TNNI2: variants seen among roughly 807,000 people sequenced by gnomAD.
The protein encoded by TNNI2 is troponin I, fast skeletal muscle.
Under a neutral mutation model 26.5 loss-of-function variants are expected in TNNI2, and 14 were observed. The ratio of observed to expected loss-of-function variants is 0.53; its 90% CI spans 0.35 to 0.83. The LOEUF (loss-of-function observed/expected upper bound fraction) is 0.83, where lower values mean the gene tolerates loss of function less well. Ranked by LOEUF, TNNI2 falls within the 40% of genes least tolerant of loss-of-function variation. TNNI2 has a pLI of 0.01. For missense variants in TNNI2, 205 were observed against 248.5 expected, an observed-to-expected ratio of 0.82 and a Z score of 1.18; for synonymous variants, 126 against 97.6, an observed-to-expected ratio of 1.29 and a Z score of -1.71.
In TNNI2 at chr11:1,839,685, C is replaced by T; in HGVS notation, c.-12C>T. 6.2e-7 allele frequency: 1 copy of T among 1,613,818 alleles called. No individual in the cohort carries two copies. Among genetic ancestry groups the T allele is most frequent in the East Asian group, 2.2e-5 (1 of 44,884 alleles). ...TTCCTCTCCCCACAGGCTCCAAGCT[C>T]AGGACCTCAGGATGGGAGAGTAAGT... On this transcript the variant is annotated 5_prime_UTR_variant, in exon 2 of 8. Transcript: ENST00000381911.
chr11:1,840,513 C>A lies in TNNI2; in HGVS notation c.58-15C>A, dbSNP rs1386707260. 6.2e-7 allele frequency: 1 copy of A among 1,611,264 alleles called. No homozygotes were observed. Among genetic ancestry groups the A allele is most frequent in the Non-Finnish European group, 8.5e-7 (1 of 1,179,436 alleles). On this transcript the variant is annotated splice_polypyrimidine_tract_variant and intron_variant, in intron 4 of 7. Coordinates refer to ENST00000381911, the MANE Select transcript of TNNI2 (RefSeq NM_003282.4). ...GGGAGCTGGCTGCAGCCCCTCACCG[C>A]CTGCCCCACCGCAGAGTGTGATGCT...
rs943575242 is a variant in TNNI2 at position 1,839,701 on chromosome 11, G to A, written c.5G>A (p.Gly2Glu). The A allele has an allele frequency of 6.2e-7, 1 of 1,613,832 alleles. No individual in the cohort carries two copies. The highest frequency in any genetic ancestry group is 8.5e-7 in the Non-Finnish European group (1 of 1,179,888). M[G>E]DEEKRNRAIT... ...CTCCAAGCTCAGGACCTCAGGATGG[G>A]AGAGTAAGTGGTACCCCTGTACCCC... Residue 2 changes from glycine (G) to glutamate (E), a missense_variant, in exon 2 of 8, where the codon GGA (glycine) becomes GAA (glutamate). Physicochemically the swap from Gly to Glu is moderately conservative, Grantham distance 98. Coordinates refer to ENST00000381911, the MANE Select transcript of TNNI2 (RefSeq NM_003282.4).
intron 3 of TNNI2, chr11:1,840,068 C>T: frequency 1.9e-6 from 2 of 1,080,792 alleles, no homozygotes; most frequent in Admixed American, 2.2e-5. Context: ...GTGGCTGTGG[C>T]CTGGTCACAG....
intron 3 of TNNI2, chr11:1,840,174 C>T (rs1403125897): frequency 6.4e-7 from 1 of 1,550,774 alleles, no homozygotes; most frequent in East Asian, 2.4e-5. Flanking sequence ...AGCCTCTGGC[C>T]TCCCAGCACC....
chr11:1,840,948 G>T (rs1455745831), intron 6 of TNNI2, 40 bp downstream of exon 6: 2 of 1,601,446 alleles, frequency 1.2e-6, no homozygotes, highest in South Asian at 2.2e-5. Flanking sequence ...CGGGTAGGCG[G>T]TGGCCCAGCG....
Position 1,840,638 on chromosome 11 carries a change from C to A in TNNI2, c.168C>A (p.Gly56=). The A allele has an allele frequency of 6.2e-7, 1 of 1,612,856 alleles. No individual in the cohort carries two copies. Among genetic ancestry groups the A allele is most frequent in the Non-Finnish European group, 8.5e-7 (1 of 1,179,922 alleles). ...ACTGCCCGCCGCTGCATATCCCGGG[C>A]TCCATGTCTGAAGTGCAGGTACCAG... is the stretch of plus-strand genomic sequence containing the variant. ...AEHCPPLHIP[G]SMSEVQELCK... The change falls in exon 5 of 8, where the codon GGC becomes GGA. Residue 56 remains glycine (G), a synonymous_variant. Coordinates refer to ENST00000381911, the MANE Select transcript of TNNI2 (RefSeq NM_003282.4).
intron 7 of TNNI2, 98 bp from the exon 8 acceptor site, chr11:1,841,358 G>T (rs1026772174): frequency 1.3e-6 from 2 of 1,535,614 alleles, no homozygotes; most frequent in Non-Finnish European, 1.8e-6. Context: ...ACACTCCACT[G>T]CCCAATGCAG....
Position 1,841,636 on chromosome 11 carries a change from G to A in TNNI2, c.*85G>A. Reference sequence around the variant, plus strand: ...GATGCACCCAGAGCCTGCCAGGGAGGGCTGGCCTCACCACCACCGTCAATA... The same window carrying A: ...GATGCACCCAGAGCCTGCCAGGGAGAGCTGGCCTCACCACCACCGTCAATA... On this transcript the variant is annotated 3_prime_UTR_variant, in exon 8 of 8. Transcript: ENST00000381911. 3.1e-6 allele frequency: 4 copies of A among 1,282,390 alleles called. No individual in the cohort carries two copies. Among genetic ancestry groups the A allele is most frequent in the Non-Finnish European group, 4.5e-6 (4 of 890,064 alleles). 79.4% of individuals were successfully genotyped at this position (1,282,390 alleles called of 1,614,324 possible).
rs202072146 is a variant in TNNI2 at position 1,840,854 on chromosome 11, G to C, written c.222G>C (p.Ala74=). 6.2e-7 allele frequency: 1 copy of C among 1,613,238 alleles called. No individual in the cohort carries two copies. The highest frequency in any genetic ancestry group is 1.7e-5 in the Admixed American group (1 of 59,976). ...AACAGCTGCACGCCAAGATCGATGC[G>C]GCTGAAGAGGAGAAGTACGACATGG... The part of the protein sequence containing the change: ...LCKQLHAKID[A]AEEEKYDMEV... Residue 74 remains alanine, a synonymous_variant, in exon 6 of 8, where the codon GCG becomes GCC. Transcript: ENST00000381911.
At chr11:1,840,998 C>T in intron 6 of TNNI2, 33 bp from the exon 7 acceptor site, 1 of 1,604,676 alleles carries the variant, frequency 6.2e-7, no homozygotes, top group East Asian at 2.3e-5. Flanking sequence ...ACCACCGGGA[C>T]CTCGGGCTCC....
Position 1,841,494 on chromosome 11 carries a change from C to T in TNNI2, c.492C>T (p.Asn164=), listed in dbSNP as rs1465306153. 6.2e-7 allele frequency: 1 copy of T among 1,614,144 alleles called. No homozygotes were observed. Among genetic ancestry groups the T allele is most frequent in the Admixed American group, 1.7e-5 (1 of 60,030 alleles). The change falls in exon 8 of 8, where the codon AAC becomes AAT. Residue 164 remains asparagine, a synonymous_variant. Transcript: ENST00000381911. ...DLRDVGDWRK[N]IEEKSGMEGR... ...GAGACGTGGGTGACTGGAGGAAGAACATCGAGGAGAAGTCTGGCATGGAGG... is the reference window on the plus strand; with the variant it reads ...GAGACGTGGGTGACTGGAGGAAGAATATCGAGGAGAAGTCTGGCATGGAGG...
intron 7 of TNNI2, 97 bp downstream of exon 7, chr11:1,841,304 C>T (rs1355520348): frequency 1.3e-6 from 2 of 1,558,438 alleles, no homozygotes; most frequent in East Asian, 2.3e-5. Flanking sequence ...ACCTGCCCTG[C>T]CGGGGGCCCT....
At position 1,840,585 on chromosome 11, in the gene TNNI2, G is replaced by A. The variant is rs538733496; in HGVS notation, c.115G>A (p.Ala39Thr). Reference protein sequence around the residue: ...ELEKEESRREAEKQNYLAEHC... With the variant: ...ELEKEESRRETEKQNYLAEHC... ...GGAGAAGGAGGAGAGCCGCCGTGAG[G>A]CAGAGAAGCAGAACTACCTGGCGGA... The change falls in exon 5 of 8, where the codon GCA becomes ACA. Residue 39 changes from alanine (A) to threonine (T), a missense_variant. Physicochemically the swap from Ala to Thr is moderately conservative, Grantham distance 58. Transcript: ENST00000381911. 9 of 1,612,824 alleles carry A rather than the reference G, an allele frequency of 5.6e-6. No homozygotes were observed. Among genetic ancestry groups the A allele is most frequent in the Middle Eastern group, 1.6e-4 (1 of 6,062 alleles).
rs1847123546 is a variant in TNNI2, at chr11:1,839,833, C to T, written c.9-16C>T. ...CTTCTCTCCCCGTCCTGCCTGCGTC[C>T]TCCCTCCCTGGACAGTGAGGAGGTA... On this transcript the variant is annotated splice_polypyrimidine_tract_variant and intron_variant, in intron 2 of 7. Transcript: ENST00000381911. The T allele has an allele frequency of 6.2e-7, 1 of 1,613,832 alleles. No individual in the cohort carries two copies. Among genetic ancestry groups the T allele is most frequent in the Admixed American group, 1.7e-5 (1 of 59,990 alleles).
chr11:1,839,728 A>G, intron 2 of TNNI2, 24 bp downstream of exon 2: 1 of 1,613,782 alleles, frequency 6.2e-7, no homozygotes, highest in Non-Finnish European at 8.5e-7. Context: ...CTGTACCCCC[A>G]TACAGTGACC....
intron 3 of TNNI2, 87 bp downstream of exon 3, chr11:1,839,942 A>G: frequency 6.3e-7 from 1 of 1,584,122 alleles, no homozygotes; most frequent in Non-Finnish European, 8.6e-7. Flanking sequence ...TCAAGGCCCT[A>G]AGGCCCAGAG....
At position 1,839,688 on chromosome 11, in the gene TNNI2, G is replaced by T. The variant is rs1285150791; in HGVS notation, c.-9G>T. ...CTCTCCCCACAGGCTCCAAGCTCAG[G>T]ACCTCAGGATGGGAGAGTAAGTGGT... is the stretch of plus-strand genomic sequence containing the variant. On this transcript the variant is annotated 5_prime_UTR_variant, in exon 2 of 8. Transcript: ENST00000381911. 8.7e-6 allele frequency: 14 copies of T among 1,613,654 alleles called. No homozygotes were observed. Among genetic ancestry groups the T allele is most frequent in the Non-Finnish European group, 5.9e-6 (7 of 1,179,902 alleles).
chr11:1,840,799 G>T lies in TNNI2; in HGVS notation c.187-20G>T. On this transcript the variant is annotated intron_variant, in intron 5 of 7. Coordinates refer to ENST00000381911, the MANE Select transcript of TNNI2 (RefSeq NM_003282.4). ...CTGCCAAGTGTCAGGACGGCCGCCC[G>T]CCCCCACACCCACCCCTAGGAGCTC... is the stretch of plus-strand genomic sequence containing the variant. The T allele has an allele frequency of 8.6e-7, 1 of 1,161,950 alleles. No individual in the cohort carries two copies. Among genetic ancestry groups the T allele is most frequent in the Non-Finnish European group, 1.3e-6 (1 of 771,440 alleles). The allele number at this position is 1,161,950 out of a possible 1,614,324, so 72.0% of individuals were successfully genotyped here.
intron 3 of TNNI2, 88 bp downstream of exon 3, chr11:1,839,943 A>C: frequency 6.4e-7 from 1 of 1,573,638 alleles, no homozygotes; most frequent in African/African-American, 1.3e-5. Context: ...CAAGGCCCTA[A>C]GGCCCAGAGA....
Sources: allele counts gnomAD v4.1 joint callset, GRCh38; gene constraint gnomAD v4.1.1; transcripts MANE v1.5; gene names NCBI Gene and HGNC (gene_info 2026-07-23, HGNC 2026-07-21).